Variants in HECTD2 observed in about 807,000 individuals in gnomAD.
HECTD2 encodes the protein probable E3 ubiquitin-protein ligase HECTD2.
HECTD2 carries 35 observed loss-of-function variants against 103.2 expected under a neutral mutation model. The ratio of observed to expected loss-of-function variants is 0.34; its 90% CI spans 0.26 to 0.45. HECTD2 has a LOEUF of 0.45. Among genes scored for constraint, HECTD2 ranks in the 20% least tolerant of loss-of-function variants. The pLI is 1.00. For missense variants in HECTD2, 596 were observed against 937.4 expected (o/e 0.64, Z 4.76); for synonymous variants, 281 against 329.9 (o/e 0.85, Z 1.61).
At chr10:91,511,364 A>G (rs1218911276) in intron 20 of HECTD2, among the ~76,000 whole-genome samples, 1 of 152,180 alleles carries the variant, frequency 6.6e-6, no homozygotes, top group Admixed American at 6.5e-5. Flanking sequence ...TACTGTCCCC[A>G]AAATGCTCTT....
intron 1 of HECTD2, among the ~76,000 whole-genome samples, chr10:91,420,213 A>G (rs1843294185): frequency 6.6e-6 from 1 of 151,362 alleles, no homozygotes; most frequent in Non-Finnish European, 1.5e-5. Flanking sequence ...GAGCACAATT[A>G]TTTTACAAAC....
intron 6 of HECTD2, among the ~76,000 whole-genome samples, chr10:91,479,424 AT>A (rs1298659879): frequency 6.6e-6 from 1 of 152,196 alleles, no homozygotes; most frequent in East Asian, 1.9e-4. Flanking sequence ...TTTTCTAGTC[AT>A]CTTTTAAAAA....
chr10:91,512,615 T>C lies in HECTD2; in HGVS notation c.*231T>C. 2.1e-6 allele frequency: 1 copy of C among 479,122 alleles called. No homozygotes were observed. Among genetic ancestry groups the C allele is most frequent in the Non-Finnish European group, 3.7e-6 (1 of 267,582 alleles). 29.7% of individuals were successfully genotyped at this position (479,122 alleles called of 1,614,324 possible). ...AAAGTCCACATGGCAGAGACAGGTATGGTCCAGTTCCTCTTTTATATAGCA... is the reference window on the plus strand; with the variant it reads ...AAAGTCCACATGGCAGAGACAGGTACGGTCCAGTTCCTCTTTTATATAGCA... On this transcript the variant is annotated 3_prime_UTR_variant, in exon 21 of 21. Transcript: ENST00000298068.
intron 2 of HECTD2, among the ~76,000 whole-genome samples, chr10:91,444,524 G>C (rs1844510570): frequency 6.6e-6 from 1 of 152,146 alleles, no homozygotes; most frequent in Non-Finnish European, 1.5e-5. Flanking sequence ...AAGAAAGGCA[G>C]AATCCTTTGC....
intron 5 of HECTD2, among the ~76,000 whole-genome samples, chr10:91,470,675 A>C (rs1046716734): frequency 6.6e-6 from 1 of 152,160 alleles, no homozygotes; most frequent in Non-Finnish European, 1.5e-5. Context: ...GCAGAAGACA[A>C]GAAATAACCA....
At chr10:91,427,344 A>C (rs1162385848) in intron 2 of HECTD2, among the ~76,000 whole-genome samples, 2 of 151,980 alleles carry the variant, frequency 1.3e-5, no homozygotes, top group Admixed American at 1.3e-4. Context: ...AGCATGATTT[A>C]TAGTCCTTTG....
chr10:91,481,533 G>A (rs749584369), intron 7 of HECTD2, among the ~76,000 whole-genome samples: 16 of 151,128 alleles, frequency 1.1e-4, no homozygotes, highest in Non-Finnish European at 2.2e-4. Flanking sequence ...TTCCCATCTA[G>A]TAGGTTTTCA....
chr10:91,512,090 T>A (rs565223948), intron 20 of HECTD2, among the ~76,000 whole-genome samples, 174 bp from the exon 21 acceptor site: 1 of 152,300 alleles, frequency 6.6e-6, no homozygotes, highest in East Asian at 1.9e-4. Context: ...GAGTGGTGTC[T>A]GATACAAAGT....
intron 5 of HECTD2, among the ~76,000 whole-genome samples, chr10:91,467,866 A>G (rs944407154): frequency 6.6e-6 from 1 of 151,728 alleles, no homozygotes; most frequent in Non-Finnish European, 1.5e-5. Context: ...ATGCACACGG[A>G]CACTAGCAAC....
chr10:91,504,057 C>T (rs1207381816), intron 20 of HECTD2, among the ~76,000 whole-genome samples: 3 of 152,192 alleles, frequency 2.0e-5, no homozygotes, highest in East Asian at 3.9e-4. Flanking sequence ...CAGACCTGCA[C>T]CTGAGGGTCC....
chr10:91,449,405 A>G (rs942244342), intron 2 of HECTD2, among the ~76,000 whole-genome samples: 1 of 152,168 alleles, frequency 6.6e-6, no homozygotes, highest in Non-Finnish European at 1.5e-5. Context: ...CAAAATAATA[A>G]GAACTATTTA....
chr10:91,411,154 A>T (rs934898751), intron 1 of HECTD2, among the ~76,000 whole-genome samples: 1 of 151,534 alleles, frequency 6.6e-6, no homozygotes, highest in Admixed American at 6.6e-5. Flanking sequence ...AGGTGGGGGG[A>T]GGCTTTTTGA....
intron 2 of HECTD2, among the ~76,000 whole-genome samples, chr10:91,450,968 C>G (rs12242257): frequency 2.0e-4 from 31 of 152,018 alleles, no homozygotes; most frequent in South Asian, 4.1e-4. Context: ...CCTCAAGAAT[C>G]TAGAACCAGA....
intron 20 of HECTD2, among the ~76,000 whole-genome samples, chr10:91,505,586 A>G (rs915909006): frequency 6.6e-6 from 1 of 150,876 alleles, no homozygotes; most frequent in Non-Finnish European, 1.5e-5. Flanking sequence ...TCCTAAATAT[A>G]TATGCACCCA....
At chr10:91,436,223 G>T (rs1844112299) in intron 2 of HECTD2, among the ~76,000 whole-genome samples, 1 of 151,912 alleles carries the variant, frequency 6.6e-6, no homozygotes, top group Non-Finnish European at 1.5e-5. Context: ...TTCTGCTCAT[G>T]GTTAATGAGG....
Position 91,479,916 on chromosome 10 carries a change from T to C in HECTD2, c.666-1178T>C, listed in dbSNP as rs1244356459. ...AGCTTAACATTTTATCATTTGTTGC[T>C]ATTTTTATTTATCCTTTTATAAGTT... On this transcript the variant is annotated intron_variant, in intron 6 of 20. Coordinates refer to ENST00000298068, the MANE Select transcript of HECTD2 (RefSeq NM_182765.6). Among the ~76,000 whole-genome samples, 3 of 152,280 alleles carry C rather than the reference T, an allele frequency of 2.0e-5. No individual in the cohort carries two copies. The East Asian group carries it at 5.8e-4, about 29-fold the overall frequency.
chr10:91,472,213 ATC>A (rs1564724214), intron 5 of HECTD2, among the ~76,000 whole-genome samples: 5 of 152,156 alleles, frequency 3.3e-5, no homozygotes, highest in Admixed American at 2.6e-4. Flanking sequence ...GGAAAAGATT[ATC>A]TGTTCAATAA....
chr10:91,490,861 A>G (rs1192842003), intron 11 of HECTD2, among the ~76,000 whole-genome samples: 1 of 133,030 alleles, frequency 7.5e-6, no homozygotes, highest in Non-Finnish European at 1.6e-5. Context: ...ACTGCAGTCC[A>G]GCTTGGGCGA....
At chr10:91,436,945 C>T (rs1844143773) in intron 2 of HECTD2, among the ~76,000 whole-genome samples, 1 of 151,928 alleles carries the variant, frequency 6.6e-6, no homozygotes, top group South Asian at 2.1e-4. Flanking sequence ...GAACCTTTTA[C>T]TGTAGTTAAA....
Sources: allele counts gnomAD v4.1 joint callset (sites outside exome capture counted in the v4.1 genomes callset), GRCh38; gene constraint gnomAD v4.1.1; transcripts MANE v1.5; gene names NCBI Gene and HGNC (gene_info 2026-07-23, HGNC 2026-07-21).